RARB: variants seen among roughly 807,000 people sequenced by gnomAD.
RARB encodes the protein retinoic acid receptor beta, also known as HBV-activated protein.
Under a neutral mutation model 51.9 loss-of-function variants are expected in RARB, and 17 were observed. The ratio of observed to expected loss-of-function variants is 0.33; its 90% CI spans 0.22 to 0.49. RARB has a LOEUF of 0.49. Ranked by LOEUF, RARB falls within the 20% of genes least tolerant of loss-of-function variation. The probability of loss-of-function intolerance (pLI) is 0.99; values close to 1 mark genes in which losing one functional copy is unlikely to be tolerated. For missense variants in RARB, 369 were observed against 550.8 expected, an observed-to-expected ratio of 0.67 and a Z score of 3.30; for synonymous variants, 215 against 195.4, an observed-to-expected ratio of 1.10 and a Z score of -0.84.
intron 2 of RARB, among the ~76,000 whole-genome samples, chr3:24,992,034 A>T (rs1271071123): frequency 6.6e-6 from 1 of 152,018 alleles, no homozygotes; most frequent in Non-Finnish European, 1.5e-5. Flanking sequence ...TCCTTATACC[A>T]GGGCACTCCC....
At chr3:25,116,233 G>T (rs999937188) in intron 3 of RARB, among the ~76,000 whole-genome samples, 1 of 152,142 alleles carries the variant, frequency 6.6e-6, no homozygotes, top group Non-Finnish European at 1.5e-5. Context: ...CAACCCAGGA[G>T]TCCCCTTTCC....
intron 5 of RARB, among the ~76,000 whole-genome samples, chr3:25,362,119 G>A (rs1269857378): frequency 2.6e-5 from 4 of 152,192 alleles, no homozygotes; most frequent in East Asian, 1.9e-4. Context: ...CAGGGAGATA[G>A]AGAGATGGGA....
At chr3:25,172,743 A>T (rs915954078) in intron 4 of RARB, among the ~76,000 whole-genome samples, 9 of 152,214 alleles carry the variant, frequency 5.9e-5, no homozygotes, top group African/African-American at 2.2e-4. Context: ...TTTTGATGTG[A>T]TAACAAATAT....
chr3:25,336,907 T>A (rs182325545), intron 5 of RARB, among the ~76,000 whole-genome samples: 7 of 152,276 alleles, frequency 4.6e-5, no homozygotes, highest in African/African-American at 1.7e-4. Flanking sequence ...GGTCCTACTC[T>A]GAGGCTTAAG....
intron 2 of RARB, among the ~76,000 whole-genome samples, chr3:24,997,547 G>T (rs1208946807): frequency 6.6e-6 from 1 of 151,874 alleles, no homozygotes; most frequent in Non-Finnish European, 1.5e-5. Context: ...TTTTGCAGTT[G>T]GGTGGTTTTC....
chr3:24,925,312 T>C lies in RARB; in HGVS notation c.-380+66560T>C, dbSNP rs913363919. 3.9e-4 allele frequency among the ~76,000 whole-genome samples: 60 copies of C among 152,182 alleles called. 1 individual carries two copies. The highest frequency in any genetic ancestry group is 1.4e-3 in the African/African-American group (59 of 41,528). On this transcript the variant is annotated intron_variant, in intron 2 of 11. Transcript: ENST00000383772. ...CATTATTCACAACTAGATTTACAGA[T>C]TAATATTTTGCCATTTTGTTGTAGA...
At chr3:24,864,456 G>T (rs929900525) in intron 2 of RARB, among the ~76,000 whole-genome samples, 6 of 152,152 alleles carry the variant, frequency 3.9e-5, no homozygotes, top group African/African-American at 1.4e-4. Context: ...GTTTGCACAT[G>T]CCATTTTAGT....
Position 24,962,847 on chromosome 3 carries a change from A to G in RARB, c.-379-97278A>G, listed in dbSNP as rs557526955. ...CACACACCCTTTTATGCCCATTTTT[A>G]TGTGTTAACTCAATTAATCCTCTTA... On this transcript the variant is annotated intron_variant, in intron 2 of 11. Coordinates refer to the RARB transcript ENST00000383772. Among the ~76,000 whole-genome samples, 10 of 152,286 alleles carry G rather than the reference A, an allele frequency of 6.6e-5. No individual in the cohort carries two copies. In the East Asian group the frequency reaches 1.2e-3, roughly 18 times the overall value.
chr3:25,349,299 C>T (rs768976906), intron 5 of RARB, among the ~76,000 whole-genome samples: 4 of 152,130 alleles, frequency 2.6e-5, no homozygotes, highest in African/African-American at 4.8e-5. Flanking sequence ...CAGATTTGTC[C>T]GTCTGTTTGA....
At chr3:25,256,475 A>C (rs1326271186) in intron 5 of RARB, among the ~76,000 whole-genome samples, 4 of 152,132 alleles carry the variant, frequency 2.6e-5, no homozygotes, top group African/African-American at 9.7e-5. Flanking sequence ...GTAGTTAAAT[A>C]AATAAGAAGA....
intron 3 of RARB, among the ~76,000 whole-genome samples, chr3:25,082,673 A>G (rs777788713): frequency 6.6e-5 from 10 of 152,076 alleles, no homozygotes; most frequent in Non-Finnish European, 1.3e-4. Context: ...CTCTTTTAAT[A>G]AATTAAGAAG....
chr3:24,865,353 G>T (rs1702826828), intron 2 of RARB, among the ~76,000 whole-genome samples: 1 of 152,102 alleles, frequency 6.6e-6, no homozygotes, highest in Admixed American at 6.6e-5. Context: ...CTTGCAGTTT[G>T]ACCCATGTTG....
intron 5 of RARB, among the ~76,000 whole-genome samples, chr3:25,251,962 G>GTTTTT (rs556713765): frequency 6.6e-6 from 1 of 151,838 alleles, no homozygotes; most frequent in African/African-American, 2.4e-5. Flanking sequence ...TTATGCCTGT[G>GTTTTT]TTTTTTTCTA....
chr3:25,128,508 T>C (rs1343953993), intron 3 of RARB, among the ~76,000 whole-genome samples: 4 of 150,168 alleles, frequency 2.7e-5, no homozygotes, highest in Non-Finnish European at 4.4e-5. Context: ...TACTAAAATA[T>C]ATTTATCACT....
chr3:25,170,252 T>C (rs1700622280), intron 4 of RARB, among the ~76,000 whole-genome samples: 1 of 152,192 alleles, frequency 6.6e-6, no homozygotes, highest in Non-Finnish European at 1.5e-5. Flanking sequence ...CAAGAGAGTT[T>C]AGCAGTAGTG....
chr3:25,099,640 C>A lies in RARB; in HGVS notation c.-327-32521C>A, dbSNP rs1699362270. On this transcript the variant is annotated intron_variant, in intron 3 of 11. Coordinates refer to the RARB transcript ENST00000383772. ...TAAAAAAAAAAAAAAAAAAAACTTTCATTATGTAGTAGAAGATGCCCAAAC... is the reference window on the plus strand; with the variant it reads ...TAAAAAAAAAAAAAAAAAAAACTTTAATTATGTAGTAGAAGATGCCCAAAC... Among the ~76,000 whole-genome samples, 3 of 144,874 alleles carry A rather than the reference C, an allele frequency of 2.1e-5. No homozygotes were observed. In the South Asian group the frequency reaches 6.6e-4, roughly 32 times the overall value.
chr3:25,036,273 T>G (rs1697991647), intron 2 of RARB, among the ~76,000 whole-genome samples: 2 of 152,166 alleles, frequency 1.3e-5, no homozygotes, highest in South Asian at 4.1e-4. Flanking sequence ...TGGACAGAAC[T>G]GAGGGTCAGA....
At chr3:24,995,232 T>TG (rs1343369536) in intron 2 of RARB, among the ~76,000 whole-genome samples, 1 of 8,234 alleles carries the variant, frequency 1.2e-4, no homozygotes. Flanking sequence ...TTTCCAGGTG[T>TG]TTTTTTTTAT....
intron 2 of RARB, among the ~76,000 whole-genome samples, chr3:24,958,255 GTTTTTTT>G (rs71057692): frequency 3.6e-4 from 25 of 69,438 alleles, no homozygotes; most frequent in African/African-American, 9.0e-4. Context: ...AGCTGCTCAG[GTTTTTTT>G]TTTTTTTTTT....
Sources: allele counts gnomAD v4.1 joint callset (sites outside exome capture counted in the v4.1 genomes callset), GRCh38; gene constraint gnomAD v4.1.1; transcripts MANE v1.5; gene names NCBI Gene and HGNC (gene_info 2026-07-23, HGNC 2026-07-21).